KCNK2: variants seen among roughly 807,000 people sequenced by gnomAD.
The protein encoded by KCNK2 is potassium two pore domain channel subfamily K member 2, also known as potassium channel subfamily K member 2.
Under a neutral mutation model 40.5 loss-of-function variants are expected in KCNK2, and 21 were observed. The observed-to-expected ratio is 0.52, with a 90% CI of 0.37 to 0.75. The LOEUF is 0.75. Among genes scored for constraint, KCNK2 ranks in the 30% least tolerant of loss-of-function variants. The pLI is 0.00. For missense variants in KCNK2, 399 were observed against 531.6 expected, an observed-to-expected ratio of 0.75 and a Z score of 2.45; for synonymous variants, 191 against 202.2, an observed-to-expected ratio of 0.94 and a Z score of 0.47.
At chr1:215,223,882 A>G (rs1666283707) in intron 6 of KCNK2, among the ~76,000 whole-genome samples, 3 of 151,648 alleles carry the variant, frequency 2.0e-5, no homozygotes, top group African/African-American at 7.3e-5. Context: ...ATGCTGGGTA[A>G]AAAAAAAACT....
chr1:215,169,641 T>TTC (rs1422731767), intron 4 of KCNK2, among the ~76,000 whole-genome samples: 1 of 73,574 alleles, frequency 1.4e-5, no homozygotes, highest in East Asian at 3.6e-4. Context: ...TTCTTTTTCT[T>TTC]TCTTTTTTTT....
intron 6 of KCNK2, among the ~76,000 whole-genome samples, chr1:215,213,774 T>C (rs1233074302): frequency 6.6e-6 from 1 of 152,170 alleles, no homozygotes; most frequent in Admixed American, 6.5e-5. Context: ...TTGAAATTGC[T>C]TGTGGATCGC....
chr1:215,182,169 G>A (rs1353291561), intron 5 of KCNK2, among the ~76,000 whole-genome samples: 2 of 151,966 alleles, frequency 1.3e-5, no homozygotes, highest in African/African-American at 2.4e-5. Flanking sequence ...TGCTGAACCA[G>A]GCAAACAGAT....
intron 6 of KCNK2, among the ~76,000 whole-genome samples, chr1:215,219,280 C>G (rs1379979946): frequency 6.6e-6 from 1 of 152,114 alleles, no homozygotes; most frequent in East Asian, 1.9e-4. Context: ...AGAGCACTGG[C>G]CTTCATATAT....
chr1:215,062,712 A>G (rs577408415), intron 1 of KCNK2, among the ~76,000 whole-genome samples: 2 of 151,876 alleles, frequency 1.3e-5, no homozygotes, highest in Non-Finnish European at 2.9e-5. Flanking sequence ...AGAACTGTGC[A>G]AATAAGACCA....
intron 4 of KCNK2, among the ~76,000 whole-genome samples, chr1:215,169,643 CTT>C (rs35265842): frequency 1.4e-5 from 2 of 146,072 alleles, no homozygotes; most frequent in Non-Finnish European, 1.5e-5. Flanking sequence ...CTTTTTCTTT[CTT>C]TTTTTTTTTG....
intron 1 of KCNK2, among the ~76,000 whole-genome samples, chr1:215,050,096 A>G (rs539832645): frequency 6.6e-6 from 1 of 152,216 alleles, no homozygotes; most frequent in South Asian, 2.1e-4. Flanking sequence ...ACATGGGGAG[A>G]ATTGAGATTT....
rs71167813 is a variant in KCNK2 at position 215,204,037 on chromosome 1, C to CAAAAAAA, written c.963+8966_963+8972dup. ...TGGGCGATAGAGCGAGACTCCGTCT[C>CAAAAAAA]AAAAAAAAAAAAAAAAAAAAAAAAA... On this transcript the variant is annotated intron_variant, in intron 6 of 6. Transcript: ENST00000444842. Among the ~76,000 whole-genome samples, 13 of 53,184 alleles carry CAAAAAAA rather than the reference C, an allele frequency of 2.4e-4. 1 individual carries two copies. Among genetic ancestry groups the CAAAAAAA allele is most frequent in the African/African-American group, 1.3e-3 (12 of 9,244 alleles). The allele number at this position is 53,184 out of a possible 152,430, so 34.9% of individuals were successfully genotyped here. A position where few individuals can be genotyped will look rare whatever the true frequency, so the allele number is the denominator to read the frequency against.
At chr1:215,105,720 T>A (rs1450408147) in intron 2 of KCNK2, among the ~76,000 whole-genome samples, 1 of 152,044 alleles carries the variant, frequency 6.6e-6, no homozygotes, top group Non-Finnish European at 1.5e-5. Context: ...CCCAATAGTT[T>A]TTTAACCCCT....
rs534973178 is a variant in KCNK2 at position 215,132,763 on chromosome 1, G to T, written c.475+8013G>T. Among the ~76,000 whole-genome samples, 448 of 152,282 alleles carry T rather than the reference G, an allele frequency of 2.9e-3. 3 individuals are homozygous for T. The highest frequency in any genetic ancestry group is 0.01 in the African/African-American group (436 of 41,566). ...GCTTATTTATTTTCTAAGTTAAAAT[G>T]TGTTTCTCAGAGAAAATTTCTTATG... On this transcript the variant is annotated intron_variant, in intron 3 of 6. Coordinates refer to ENST00000444842, the MANE Select transcript of KCNK2 (RefSeq NM_001017425.3).
intron 3 of KCNK2, among the ~76,000 whole-genome samples, chr1:215,152,865 T>A (rs1490588165): frequency 6.6e-6 from 1 of 152,184 alleles, no homozygotes; most frequent in Non-Finnish European, 1.5e-5. Context: ...TAAAAATGTG[T>A]TTAATTCTAG....
In KCNK2 at chr1:215,086,642, C is replaced by G. The variant is rs769120476; in HGVS notation, c.321C>G (p.Ser107=). The part of the protein sequence containing the change: ...IQKQTFISQH[S]CVNSTELDEL... ...AGCAAACATTCATATCCCAACATTC[C>G]TGTGTCAATTCGACGGAGCTGGATG... is the stretch of plus-strand genomic sequence containing the variant. The change falls in exon 2 of 7, where the codon TCC becomes TCG. Residue 107 remains serine (S), a synonymous_variant. Coordinates refer to ENST00000444842, the MANE Select transcript of KCNK2 (RefSeq NM_001017425.3). 5.6e-6 allele frequency: 9 copies of G among 1,614,160 alleles called. No homozygotes were observed. Among genetic ancestry groups the G allele is most frequent in the Non-Finnish European group, 7.6e-6 (9 of 1,179,992 alleles).
intron 1 of KCNK2, among the ~76,000 whole-genome samples, chr1:215,036,657 T>A (rs918558738): frequency 1.3e-5 from 2 of 152,068 alleles, no homozygotes; most frequent in South Asian, 2.1e-4. Flanking sequence ...ATTCATCTAA[T>A]CTTTGAATAT....
chr1:215,010,019 A>G (rs772096084), intron 1 of KCNK2, among the ~76,000 whole-genome samples: 12 of 152,194 alleles, frequency 7.9e-5, no homozygotes, highest in Non-Finnish European at 1.2e-4. Flanking sequence ...AACAGTGACA[A>G]CATCAGCTAA....
chr1:215,203,673 G>T (rs546434286), intron 6 of KCNK2, among the ~76,000 whole-genome samples: 1 of 152,090 alleles, frequency 6.6e-6, no homozygotes, highest in Admixed American at 6.5e-5. Flanking sequence ...ACTATTGAGG[G>T]TGTGTATATG....
At chr1:215,220,111 A>G (rs868827915) in intron 6 of KCNK2, among the ~76,000 whole-genome samples, 5 of 152,196 alleles carry the variant, frequency 3.3e-5, no homozygotes, top group Admixed American at 2.0e-4. Context: ...TAAGGAATAT[A>G]TTTTATACTC....
Position 215,086,674 on chromosome 1 carries a change from T to C in KCNK2, c.353T>C (p.Ile118Thr). The change falls in exon 2 of 7, where the codon ATT becomes ACT. Residue 118 changes from isoleucine to threonine, a missense_variant. By Grantham distance (89) the Ile-to-Thr change is moderately conservative. Around this residue, in one of 3 missense-constraint regions of KCNK2, gnomAD observed 279 missense variants for 353.8 expected, o/e 0.79. Transcript: ENST00000444842. Reference protein sequence around the residue: ...CVNSTELDELIQQIVAAINAG... With the variant: ...CVNSTELDELTQQIVAAINAG... ...AATTCGACGGAGCTGGATGAACTCA[T>C]TCAGGTAATGGCATGGGAGGAGTTG... 1 of 1,612,728 alleles carries C rather than the reference T, an allele frequency of 6.2e-7. No homozygotes were observed. The highest frequency in any genetic ancestry group is 8.5e-7 in the Non-Finnish European group (1 of 1,178,934).
chr1:215,169,313 G>GC lies in KCNK2; in HGVS notation c.591dup (p.Thr198HisfsTer16). 6.2e-7 allele frequency: 1 copy of GC among 1,613,106 alleles called. No individual in the cohort carries two copies. Among genetic ancestry groups the GC allele is most frequent in the Non-Finnish European group, 8.5e-7 (1 of 1,179,506 alleles). ...TTGGCTGGAGTTGGAGATCAGCTAGGCACCATATTTGGAAAAGGAATTGCC... is the reference window on the plus strand; with the variant it reads ...TTGGCTGGAGTTGGAGATCAGCTAGGCCACCATATTTGGAAAAGGAATTGCC... On this transcript the variant is annotated frameshift_variant, in exon 4 of 7. Coordinates refer to ENST00000444842, the MANE Select transcript of KCNK2 (RefSeq NM_001017425.3). LOFTEE classifies it high-confidence loss of function.
chr1:215,051,816 T>A (rs1049847579), intron 1 of KCNK2, among the ~76,000 whole-genome samples: 1 of 152,180 alleles, frequency 6.6e-6, no homozygotes, highest in Admixed American at 6.5e-5. Flanking sequence ...TCAGGGGGGA[T>A]CTTGCAGGTG....
Sources: gnomAD v4.1 joint callset for allele counts (sites outside exome capture counted in the v4.1 genomes callset) on GRCh38, gnomAD v4.1.1 for gene constraint, gnomAD v4.1.1 regional missense constraint, MANE v1.5 for transcripts, NCBI Gene and HGNC (gene_info 2026-07-23, HGNC 2026-07-21) for gene names.